Variants in SERINC1 observed in about 807,000 individuals in gnomAD.
SERINC1 encodes the protein serine incorporator 1, also known as tumor differentially expressed protein 2.
A neutral mutation model predicts 52.9 loss-of-function variants in SERINC1; 38 were observed. That is an observed-to-expected ratio of 0.72 (90% CI 0.55 to 0.94). The LOEUF is 0.94. SERINC1 is among the 40% of genes least tolerant of loss of function. The pLI, the probability that SERINC1 is intolerant of heterozygous loss-of-function variation, is 0.00. For missense variants in SERINC1, 471 were observed against 533.9 expected (o/e 0.88, Z 1.16); for synonymous variants, 198 against 183.1 (o/e 1.08, Z -0.66).
At chr6:122,463,252 A>G (rs938132809) in intron 1 of SERINC1, among the ~76,000 whole-genome samples, 6 of 152,330 alleles carry the variant, frequency 3.9e-5, no homozygotes, top group Non-Finnish European at 8.8e-5. Context: ...ATATTCATAC[A>G]TTTTTTAGAA....
In SERINC1 at chr6:122,450,095, A is replaced by T. The variant is rs369235698; in HGVS notation, c.850+1569T>A. ...TAAAGACAACATAGACTTCTATTGTAAGAAGATATAATCTAGGACTTTCAT... is the reference window on the plus strand; with the variant it reads ...TAAAGACAACATAGACTTCTATTGTTAGAAGATATAATCTAGGACTTTCAT... On this transcript the variant is annotated intron_variant, in intron 7 of 9. Transcript: ENST00000339697. Among the ~76,000 whole-genome samples, 394 of 152,372 alleles carry T rather than the reference A, an allele frequency of 2.6e-3. 2 individuals are homozygous for T. Among genetic ancestry groups the T allele is most frequent in the African/African-American group, 9.0e-3 (374 of 41,586 alleles).
intron 1 of SERINC1, 149 bp from the exon 2 acceptor site, chr6:122,458,830 T>C (rs1775049020): frequency 1.1e-5 from 6 of 565,396 alleles, no homozygotes; most frequent in South Asian, 6.6e-5. Context: ...ATTTGGTTCA[T>C]ATAAATTATC....
intron 1 of SERINC1, among the ~76,000 whole-genome samples, chr6:122,468,054 T>C (rs1775216454): frequency 6.6e-6 from 1 of 152,138 alleles, no homozygotes; most frequent in African/African-American, 2.4e-5. Flanking sequence ...CTTAAGCGCA[T>C]AGAGAAGTAT....
At chr6:122,458,226 A>G (rs1421354485) in intron 2 of SERINC1, among the ~76,000 whole-genome samples, 1 of 152,128 alleles carries the variant, frequency 6.6e-6, no homozygotes, top group African/African-American at 2.4e-5. Context: ...CTGTATATGC[A>G]AGTTCTAATC....
At chr6:122,462,572 C>T (rs73541164) in intron 1 of SERINC1, among the ~76,000 whole-genome samples, 211 of 152,018 alleles carry the variant, frequency 1.4e-3, no homozygotes, top group African/African-American at 4.8e-3. Context: ...TCAATGATAG[C>T]GCCACTGCAC....
chr6:122,465,851 A>G (rs1775180892), intron 1 of SERINC1, among the ~76,000 whole-genome samples: 1 of 152,218 alleles, frequency 6.6e-6, no homozygotes, highest in African/African-American at 2.4e-5. Flanking sequence ...AATAAACTAT[A>G]TAGTACAGGG....
In SERINC1 at chr6:122,444,828, C is replaced by A; in HGVS notation, c.*216G>T. 7.6e-6 allele frequency: 4 copies of A among 523,582 alleles called. No individual in the cohort carries two copies. The highest frequency in any genetic ancestry group is 2.7e-5 in the South Asian group (1 of 37,706). 32.4% of individuals were successfully genotyped at this position (523,582 alleles called of 1,614,324 possible). On this transcript the variant is annotated 3_prime_UTR_variant, in exon 10 of 10. Coordinates refer to ENST00000339697, the MANE Select transcript of SERINC1 (RefSeq NM_020755.4). ...ATGGCCACTTTTACTAACTCATCACCATATTCATAAAACTTTCCTCTGCAA... is the reference window on the plus strand; with the variant it reads ...ATGGCCACTTTTACTAACTCATCACAATATTCATAAAACTTTCCTCTGCAA...
intron 1 of SERINC1, among the ~76,000 whole-genome samples, chr6:122,462,304 C>T (rs1775118777): frequency 6.6e-6 from 1 of 152,188 alleles, no homozygotes; most frequent in East Asian, 1.9e-4. Context: ...CCCTGTAAGA[C>T]ATCAAACAAG....
At chr6:122,468,704 C>T (rs936754430) in intron 1 of SERINC1, among the ~76,000 whole-genome samples, 1 of 152,132 alleles carries the variant, frequency 6.6e-6, no homozygotes, top group African/African-American at 2.4e-5. Context: ...TTTGGGGGGA[C>T]ATTTTTATTT....
At chr6:122,455,920 G>A (rs1002224337) in intron 3 of SERINC1, among the ~76,000 whole-genome samples, 1 of 151,956 alleles carries the variant, frequency 6.6e-6, no homozygotes, top group Admixed American at 6.6e-5. Context: ...TAAAGGAAAA[G>A]CAACCCGTCA....
intron 5 of SERINC1, among the ~76,000 whole-genome samples, chr6:122,452,596 C>T (rs1401577567): frequency 2.6e-5 from 4 of 152,108 alleles, no homozygotes; most frequent in Admixed American, 2.6e-4. Flanking sequence ...ATGTAAATTT[C>T]AACATACACA....
chr6:122,468,851 T>C (rs1775228177), intron 1 of SERINC1, among the ~76,000 whole-genome samples: 1 of 152,048 alleles, frequency 6.6e-6, no homozygotes, highest in African/African-American at 2.4e-5. Flanking sequence ...ACGACTTAAC[T>C]AAACTAAATA....
At chr6:122,471,313 A>G (rs532565647) in intron 1 of SERINC1, among the ~76,000 whole-genome samples, 8 of 151,670 alleles carry the variant, frequency 5.3e-5, no homozygotes, top group African/African-American at 1.9e-4. Context: ...CAGAGTGGGT[A>G]CCCCACCGAA....
chr6:122,452,006 A>G lies in SERINC1; in HGVS notation c.641T>C (p.Val214Ala). The G allele has an allele frequency of 6.3e-7, 1 of 1,586,384 alleles. No individual in the cohort carries two copies. The highest frequency in any genetic ancestry group is 8.6e-7 in the Non-Finnish European group (1 of 1,167,420). The change falls in exon 6 of 10, where the codon GTC (valine) becomes GCC (alanine). Residue 214 changes from valine to alanine, a missense_variant. Coordinates refer to ENST00000339697, the MANE Select transcript of SERINC1 (RefSeq NM_020755.4). ...LNYLLSLVAI[V>A]LFFVYYTHPA... ...ATGAGTGTAGTAGACAAAGAACAGG[A>G]CGATAGCAACTAAAGACAGCAGATA...
chr6:122,447,049 T>G, intron 8 of SERINC1, 45 bp from the exon 9 acceptor site: 1 of 1,580,466 alleles, frequency 6.3e-7, no homozygotes, highest in Non-Finnish European at 8.7e-7. Flanking sequence ...AAGAACATTT[T>G]TAAAAGAAAT....
Position 122,456,537 on chromosome 6 carries a change from A to G in SERINC1, c.315T>C (p.Ser105=). Residue 105 remains serine (S), a synonymous_variant, in exon 3 of 10, where the codon TCT becomes TCC. Transcript: ENST00000339697. ...TACTCTTCACTTTGATCATTAGTAA[A>G]GAGAGAAGAAGATAGAACATAGCCA... ...FGLAMFYLLL[S]LLMIKVKSSS... The G allele has an allele frequency of 2.5e-6, 4 of 1,612,396 alleles. No individual in the cohort carries two copies. Among genetic ancestry groups the G allele is most frequent in the Non-Finnish European group, 8.5e-7 (1 of 1,179,222 alleles).
intron 9 of SERINC1, 56 bp downstream of exon 9, chr6:122,446,718 A>G: frequency 8.6e-7 from 1 of 1,162,348 alleles, no homozygotes. Context: ...TTCACAAGAG[A>G]ATCATAAAAT....
Position 122,445,137 on chromosome 6 carries a change from G to A in SERINC1, c.1269C>T (p.Val423=). 6.2e-7 allele frequency: 1 copy of A among 1,614,086 alleles called. No homozygotes were observed. Among genetic ancestry groups the A allele is most frequent in the Non-Finnish European group, 8.5e-7 (1 of 1,179,950 alleles). The part of the protein sequence containing the change: ...SREMKSQWTA[V]WVKISSSWIG... ...TCCAACTGGAAGAGATTTTCACCCA[G>A]ACAGCTGTCCACTGACTTTTCATCT... The change falls in exon 10 of 10, where the codon GTC becomes GTT. Residue 423 remains valine (V), a synonymous_variant. Transcript: ENST00000339697.
intron 1 of SERINC1, among the ~76,000 whole-genome samples, chr6:122,469,093 C>T (rs545583348): frequency 6.6e-6 from 1 of 152,010 alleles, no homozygotes. Flanking sequence ...TGCCATGAAC[C>T]AAGGATTATG....
Sources: allele counts gnomAD v4.1 joint callset (sites outside exome capture counted in the v4.1 genomes callset), GRCh38; gene constraint gnomAD v4.1.1; transcripts MANE v1.5; gene names NCBI Gene and HGNC (gene_info 2026-07-23, HGNC 2026-07-21).